Variants in MAPK8 observed in about 807,000 individuals in gnomAD.
MAPK8 encodes the protein mitogen-activated protein kinase 8, also known as JUN N-terminal kinase.
MAPK8 carries 13 observed loss-of-function variants against 52.9 expected under a neutral mutation model. That is an observed-to-expected ratio of 0.25 (90% confidence interval 0.16 to 0.39). MAPK8 has a LOEUF of 0.39. Ranked by LOEUF, MAPK8 falls within the 10% of genes least tolerant of loss-of-function variation. The pLI is 1.00. For synonymous variants in MAPK8, 191 were observed against 169.8 expected (o/e 1.12, Z -0.97); for missense variants, 300 against 519.2 (o/e 0.58, Z 4.10).
rs1329325355 is a variant in MAPK8, at chr10:48,404,951, A to G, written c.222A>G (p.Leu74=). The G allele has an allele frequency of 6.2e-7, 1 of 1,607,070 alleles. No homozygotes were observed. Among genetic ancestry groups the G allele is most frequent in the Admixed American group, 1.7e-5 (1 of 58,978 alleles). The change falls in exon 3 of 12, where the codon CTA becomes CTG. Residue 74 remains leucine (L), a synonymous_variant. Transcript: ENST00000374189. ...QTHAKRAYRE[L]VLMKCVNHKN... ...ATGCCAAGCGGGCCTACAGAGAGCTAGTTCTTATGAAATGTGTTAATCACA... is the reference window on the plus strand; with the variant it reads ...ATGCCAAGCGGGCCTACAGAGAGCTGGTTCTTATGAAATGTGTTAATCACA...
chr10:48,421,027 A>G (rs1384742107), intron 6 of MAPK8, among the ~76,000 whole-genome samples: 2 of 152,250 alleles, frequency 1.3e-5, no homozygotes, highest in East Asian at 3.8e-4. Context: ...TAGGAGATGA[A>G]TAAATCTGCT....
At chr10:48,359,996 A>G (rs1847370102) in intron 1 of MAPK8, among the ~76,000 whole-genome samples, 1 of 152,136 alleles carries the variant, frequency 6.6e-6, no homozygotes, top group Non-Finnish European at 1.5e-5. Context: ...GCAACACATA[A>G]TTGAGAAAGG....
intron 5 of MAPK8, among the ~76,000 whole-genome samples, chr10:48,419,791 G>A (rs981985011): frequency 3.9e-5 from 6 of 152,138 alleles, no homozygotes; most frequent in Non-Finnish European, 7.3e-5. Context: ...TTGGTAATAT[G>A]TTATGCAAAT....
chr10:48,329,391 C>G (rs183083913), intron 1 of MAPK8, among the ~76,000 whole-genome samples: 294 of 152,182 alleles, frequency 1.9e-3, no homozygotes, highest in African/African-American at 6.7e-3. Flanking sequence ...TTTGAGATCC[C>G]TAATTGGAAG....
intron 1 of MAPK8, among the ~76,000 whole-genome samples, chr10:48,354,214 A>G (rs1846623474): frequency 6.6e-6 from 1 of 152,234 alleles, no homozygotes; most frequent in African/African-American, 2.4e-5. Flanking sequence ...TCTTAAGAGA[A>G]AAAAAGAAAA....
At chr10:48,388,303 T>A (rs1317689812) in intron 1 of MAPK8, among the ~76,000 whole-genome samples, 3 of 151,564 alleles carry the variant, frequency 2.0e-5, no homozygotes, top group Non-Finnish European at 4.4e-5. Flanking sequence ...ATTAAGTAGG[T>A]TTATGATAAA....
intron 1 of MAPK8, among the ~76,000 whole-genome samples, chr10:48,332,397 A>G (rs774540729): frequency 3.3e-5 from 5 of 152,208 alleles, no homozygotes; most frequent in East Asian, 3.9e-4. Context: ...ACCCTGTTGC[A>G]TCATGCAGAG....
intron 1 of MAPK8, among the ~76,000 whole-genome samples, chr10:48,353,593 C>A (rs185972433): frequency 1.3e-5 from 2 of 152,170 alleles, no homozygotes; most frequent in East Asian, 3.9e-4. Context: ...ATCATAGATT[C>A]TAAATGTAAA....
At chr10:48,309,928 C>T (rs1032147988) in intron 1 of MAPK8, among the ~76,000 whole-genome samples, 3 of 152,310 alleles carry the variant, frequency 2.0e-5, no homozygotes, top group Middle Eastern at 3.4e-3. Flanking sequence ...AATCATTTGC[C>T]TATGTCAGTG....
chr10:48,422,681 A>T (rs985118184), intron 6 of MAPK8, among the ~76,000 whole-genome samples: 69 of 152,060 alleles, frequency 4.5e-4, no homozygotes, highest in Non-Finnish European at 8.2e-4. Context: ...CTTAGAAAAA[A>T]TTTTTCTCTG....
Position 48,409,892 on chromosome 10 carries a change from T to G in MAPK8, c.266T>G (p.Leu89Trp). Residue 89 changes from leucine to tryptophan, a missense_variant, in exon 4 of 12, where the codon TTG (leucine) becomes TGG (tryptophan). Physicochemically the swap from Leu to Trp is moderately conservative, Grantham distance 61. Around this residue, in one of 3 missense-constraint regions of MAPK8, gnomAD observed 147 missense variants for 328.1 expected, o/e 0.45. Coordinates refer to ENST00000374189, the MANE Select transcript of MAPK8 (RefSeq NM_001323329.2). ...CVNHKNIIGLLNVFTPQKSLE... is the reference protein window; with the variant it reads ...CVNHKNIIGLWNVFTPQKSLE... ...CTTTTATTATAGATAATTGGCCTTT[T>G]GAATGTTTTCACACCACAGAAATCC... 1 of 1,609,374 alleles carries G rather than the reference T, an allele frequency of 6.2e-7. No individual in the cohort carries two copies. The highest frequency in any genetic ancestry group is 1.1e-5 in the South Asian group (1 of 90,372).
chr10:48,438,426 GAAAACAGAAGTCCT>G lies in MAPK8; in HGVS notation c.*3400_*3413del, dbSNP rs2045033125. On this transcript the variant is annotated 3_prime_UTR_variant, in exon 12 of 12. Transcript: ENST00000374189. ...GGGGTACGATTAGAAAACTCGTAAG[GAAAACAGAAGTCCT>G]AATTTCAAACTGACTGCTCTTCGTT... 1.3e-5 allele frequency: 2 copies of G among 152,218 alleles called. No individual in the cohort carries two copies. Among genetic ancestry groups the G allele is most frequent in the South Asian group, 4.1e-4 (2 of 4,824 alleles). The allele number at this position is 152,218 out of a possible 1,614,324, so 9.4% of individuals were successfully genotyped here. A position where few individuals can be genotyped will look rare whatever the true frequency, so the allele number is the denominator to read the frequency against.
intron 1 of MAPK8, among the ~76,000 whole-genome samples, chr10:48,393,857 G>A (rs145441168): frequency 5.0e-4 from 76 of 152,000 alleles, no homozygotes; most frequent in African/African-American, 1.8e-3. Context: ...ATATAAAAGT[G>A]TAAAACATTA....
Position 48,385,097 on chromosome 10 carries a change from A to G in MAPK8, c.-49-16515A>G, listed in dbSNP as rs73296795. The stretch of plus-strand genomic sequence containing the variant: ...TTTATTGTCTATACATTGTTGAACT[A>G]TAGTGTATATGGCATTTTATGACTA... On this transcript the variant is annotated intron_variant, in intron 1 of 11. Coordinates refer to ENST00000374189, the MANE Select transcript of MAPK8 (RefSeq NM_001323329.2). 3.0e-3 allele frequency among the ~76,000 whole-genome samples: 456 copies of G among 152,288 alleles called. 4 individuals are homozygous for G. Among genetic ancestry groups the G allele is most frequent in the African/African-American group, 0.011 (444 of 41,558 alleles).
chr10:48,389,683 G>C (rs1165429182), intron 1 of MAPK8, among the ~76,000 whole-genome samples: 4 of 152,168 alleles, frequency 2.6e-5, no homozygotes, highest in African/African-American at 9.7e-5. Context: ...TTGAATGTCT[G>C]CTGTTAGCCA....
intron 10 of MAPK8, among the ~76,000 whole-genome samples, chr10:48,427,753 A>G (rs1392604112): frequency 6.6e-6 from 1 of 152,168 alleles, no homozygotes; most frequent in Non-Finnish European, 1.5e-5. Context: ...CGGCCTCCCA[A>G]AGTGCTGGGA....
At chr10:48,373,790 A>G (rs750888017) in intron 1 of MAPK8, among the ~76,000 whole-genome samples, 1 of 151,996 alleles carries the variant, frequency 6.6e-6, no homozygotes. Context: ...CTCCCACACA[A>G]TAATAGTGAG....
intron 1 of MAPK8, among the ~76,000 whole-genome samples, chr10:48,338,776 C>A (rs1236164005): frequency 6.6e-6 from 1 of 151,986 alleles, no homozygotes; most frequent in African/African-American, 2.4e-5. Context: ...TTCTATACAC[C>A]AATAACATTC....
intron 5 of MAPK8, among the ~76,000 whole-genome samples, chr10:48,413,635 C>G (rs1316536400): frequency 1.3e-5 from 2 of 151,622 alleles, no homozygotes; most frequent in Non-Finnish European, 2.9e-5. Context: ...TGGCTGACAT[C>G]ACTGCCTCTC....
Sources: gnomAD v4.1 joint callset for allele counts (sites outside exome capture counted in the v4.1 genomes callset) on GRCh38, gnomAD v4.1.1 for gene constraint, gnomAD v4.1.1 regional missense constraint, MANE v1.5 for transcripts, NCBI Gene and HGNC (gene_info 2026-07-23, HGNC 2026-07-21) for gene names.